PRKG1: variants seen among roughly 807,000 people sequenced by gnomAD.
PRKG1 encodes the protein protein kinase cGMP-dependent 1, also known as cGMP-dependent protein kinase 1.
PRKG1 carries 35 observed loss-of-function variants against 88.1 expected under a neutral mutation model. That is an observed-to-expected ratio of 0.40 (90% CI 0.30 to 0.53). The LOEUF (loss-of-function observed/expected upper bound fraction) is 0.53, where lower values mean the gene tolerates loss of function less well. PRKG1 is among the 20% of genes least tolerant of loss of function. PRKG1 has a pLI of 0.59. For missense variants in PRKG1, 540 were observed against 839.8 expected (o/e 0.64, Z 4.41); for synonymous variants, 303 against 292.5 (o/e 1.04, Z -0.37).
chr10:52,230,649 T>A (rs1291747078), intron 9 of PRKG1: 1 of 152,214 alleles, frequency 6.6e-6, no homozygotes, highest in Non-Finnish European at 1.5e-5. Context: ...CAGGCACTCA[T>A]CGCTCACATG....
In PRKG1 at chr10:52,070,141, A is replaced by G. The variant is rs1034851206; in HGVS notation, c.935+7510A>G. On this transcript the variant is annotated intron_variant, in intron 7 of 17. Transcript: ENST00000373980. Reference sequence around the variant, plus strand: ...TTACTGTATTTTTTCAGACACAACCAAAACCTAATTATTTAACATTTATCA... The same window carrying G: ...TTACTGTATTTTTTCAGACACAACCGAAACCTAATTATTTAACATTTATCA... Among the ~76,000 whole-genome samples, 4 of 152,176 alleles carry G rather than the reference A, an allele frequency of 2.6e-5. No homozygotes were observed. The East Asian group carries it at 7.7e-4, about 29-fold the overall frequency.
chr10:51,607,842 A>C (rs1838807484), intron 3 of PRKG1, among the ~76,000 whole-genome samples: 1 of 152,200 alleles, frequency 6.6e-6, no homozygotes, highest in Non-Finnish European at 1.5e-5. Flanking sequence ...TTGATTAAAA[A>C]AAAGAAACTC....
At chr10:51,354,298 TAA>T (rs1218746245) in intron 2 of PRKG1, among the ~76,000 whole-genome samples, 1 of 151,988 alleles carries the variant, frequency 6.6e-6, no homozygotes, top group Admixed American at 6.6e-5. Context: ...TAAAAATAAC[TAA>T]AAGAGTATAA....
intron 9 of PRKG1, among the ~76,000 whole-genome samples, chr10:52,247,471 A>C (rs1841055685): frequency 6.6e-6 from 1 of 152,178 alleles, no homozygotes. Flanking sequence ...TGTTTAATAA[A>C]ATAACAGGTA....
chr10:51,899,462 C>T (rs1023712122), intron 4 of PRKG1, among the ~76,000 whole-genome samples: 16 of 151,336 alleles, frequency 1.1e-4, no homozygotes, highest in East Asian at 7.8e-4. Context: ...GTCAGGAGTT[C>T]GAGACCAGCC....
At chr10:51,041,472 C>T (rs547921050) in intron 1 of PRKG1, among the ~76,000 whole-genome samples, 82 of 152,248 alleles carry the variant, frequency 5.4e-4, no homozygotes, top group Admixed American at 8.5e-4. Context: ...ACCCAAGGCC[C>T]GTGGTGGGTA....
At chr10:51,667,638 T>A (rs555974583) in intron 3 of PRKG1, among the ~76,000 whole-genome samples, 2 of 152,176 alleles carry the variant, frequency 1.3e-5, no homozygotes, top group Non-Finnish European at 2.9e-5. Context: ...ATCGTAGAAG[T>A]CCTTCTGGGT....
intron 2 of PRKG1, among the ~76,000 whole-genome samples, chr10:51,263,616 C>T (rs1482891813): frequency 6.6e-6 from 1 of 152,206 alleles, no homozygotes; most frequent in African/African-American, 2.4e-5. Context: ...TCATGCAATT[C>T]AAATGGACTT....
At chr10:51,670,660 C>G (rs1337152566) in intron 3 of PRKG1, among the ~76,000 whole-genome samples, 1 of 147,850 alleles carries the variant, frequency 6.8e-6, no homozygotes, top group East Asian at 2.0e-4. Flanking sequence ...GGCGTGAACC[C>G]GGGAGGCAGA....
intron 9 of PRKG1, among the ~76,000 whole-genome samples, chr10:52,199,335 A>G (rs1029941582): frequency 3.3e-5 from 5 of 152,108 alleles, no homozygotes; most frequent in Non-Finnish European, 7.4e-5. Context: ...AAACCAGTAG[A>G]AATTGCTGAA....
chr10:51,080,976 C>T (rs1179203742), intron 1 of PRKG1, among the ~76,000 whole-genome samples: 3 of 152,192 alleles, frequency 2.0e-5, no homozygotes, highest in Non-Finnish European at 2.9e-5. Context: ...AACAATAGCA[C>T]AAAAACTTCA....
At chr10:51,523,553 T>A (rs1841792397) in intron 3 of PRKG1, among the ~76,000 whole-genome samples, 1 of 152,174 alleles carries the variant, frequency 6.6e-6, no homozygotes, top group Non-Finnish European at 1.5e-5. Flanking sequence ...TAACAAATTT[T>A]CTCCATAATT....
At chr10:51,480,256 C>A (rs1241544097) in intron 3 of PRKG1, among the ~76,000 whole-genome samples, 4 of 152,132 alleles carry the variant, frequency 2.6e-5, no homozygotes, top group Admixed American at 2.6e-4. Flanking sequence ...TTTTAAGATA[C>A]ATTTCGTAAA....
chr10:51,161,990 A>G (rs1846375340), intron 2 of PRKG1, among the ~76,000 whole-genome samples: 1 of 152,240 alleles, frequency 6.6e-6, no homozygotes, highest in African/African-American at 2.4e-5. Flanking sequence ...AACACTTCAC[A>G]CAATCTACAA....
At chr10:51,935,095 T>C (rs1842774805) in intron 5 of PRKG1, among the ~76,000 whole-genome samples, 2 of 152,160 alleles carry the variant, frequency 1.3e-5, no homozygotes, top group South Asian at 2.1e-4. Context: ...TTCCTGCCCA[T>C]GGGGTAGCTT....
At chr10:51,005,715 A>G (rs1842934304) in intron 1 of PRKG1, among the ~76,000 whole-genome samples, 1 of 152,164 alleles carries the variant, frequency 6.6e-6, no homozygotes, top group South Asian at 2.1e-4. Context: ...TAAGGCAGGA[A>G]CCCTGAGGGG....
chr10:51,142,438 C>T (rs1199306574), intron 1 of PRKG1, among the ~76,000 whole-genome samples: 1 of 149,942 alleles, frequency 6.7e-6, no homozygotes. Flanking sequence ...TTAAAATGGC[C>T]AAAGATATGA....
At chr10:51,427,314 G>A (rs1838618903) in intron 2 of PRKG1, among the ~76,000 whole-genome samples, 1 of 152,290 alleles carries the variant, frequency 6.6e-6, no homozygotes, top group African/African-American at 2.4e-5. Context: ...CTGATGCTAA[G>A]TCTTCCTTGA....
At chr10:51,003,316 G>A (rs564921005) in intron 1 of PRKG1, among the ~76,000 whole-genome samples, 7 of 152,224 alleles carry the variant, frequency 4.6e-5, no homozygotes, top group Admixed American at 1.3e-4. Context: ...ACAAATTCCC[G>A]AAGTATAGCA....
Sources: allele counts gnomAD v4.1 joint callset (sites outside exome capture counted in the v4.1 genomes callset), GRCh38; gene constraint gnomAD v4.1.1; transcripts MANE v1.5; gene names NCBI Gene and HGNC (gene_info 2026-07-23, HGNC 2026-07-21).